Variants in PDK1 observed in about 807,000 individuals in gnomAD.
PDK1 encodes the protein [Pyruvate dehydrogenase (acetyl-transferring)] kinase isozyme 1, mitochondrial.
PDK1 carries 39 observed loss-of-function variants against 54.2 expected under a neutral mutation model. That is an observed-to-expected ratio of 0.72 (90% CI 0.56 to 0.94). PDK1 has a LOEUF of 0.94. PDK1 is among the 40% of genes least tolerant of loss of function. The probability of loss-of-function intolerance (pLI) is 0.00; values close to 1 mark genes in which losing one functional copy is unlikely to be tolerated. For missense variants in PDK1, 552 were observed against 566.0 expected (o/e 0.98, Z 0.25); for synonymous variants, 221 against 207.1 (o/e 1.07, Z -0.58).
At chr2:172,586,205 T>G in intron 8 of PDK1, 73 bp from the exon 9 acceptor site, 2 of 835,402 alleles carry the variant, frequency 2.4e-6, no homozygotes, top group South Asian at 2.8e-5. Flanking sequence ...TAAACTGTGA[T>G]GCTATGAGTA....
the PDK1 span, chr2:172,677,577 A>G: frequency 6.6e-6 from 1 of 152,240 alleles, no homozygotes; most frequent in African/African-American, 2.4e-5. Context: ...GGCTCCAGGA[A>G]CAAGGCTGTT....
the PDK1 span, among the ~76,000 whole-genome samples, chr2:172,698,676 A>G: frequency 6.6e-6 from 1 of 152,242 alleles, no homozygotes; most frequent in Non-Finnish European, 1.5e-5. Flanking sequence ...CACATGGGTA[A>G]CAAATTCCCA....
At chr2:172,646,387 T>C in the PDK1 span, among the ~76,000 whole-genome samples, 1 of 152,338 alleles carries the variant, frequency 6.6e-6, no homozygotes, top group African/African-American at 2.4e-5. Flanking sequence ...CCCCTTTTTT[T>C]CTTTCTAATT....
chr2:172,652,693 A>G, the PDK1 span, among the ~76,000 whole-genome samples: 1 of 152,340 alleles, frequency 6.6e-6, no homozygotes, highest in East Asian at 1.9e-4. Flanking sequence ...ACAGAGAGCC[A>G]AATCATGAGT....
intron 6 of PDK1, among the ~76,000 whole-genome samples, chr2:172,568,078 A>T (rs1689049306): frequency 6.6e-6 from 1 of 152,178 alleles, no homozygotes; most frequent in African/African-American, 2.4e-5. Flanking sequence ...TCACATCTAT[A>T]ATCCCAGCAC....
chr2:172,633,688 CTTT>C, the PDK1 span, among the ~76,000 whole-genome samples: 2 of 150,464 alleles, frequency 1.3e-5, no homozygotes, highest in Non-Finnish European at 3.0e-5. Context: ...CAATTCTCTT[CTTT>C]TTAATAAAAA....
the PDK1 span, among the ~76,000 whole-genome samples, chr2:172,672,443 T>C: frequency 7.2e-5 from 11 of 152,164 alleles, no homozygotes; most frequent in African/African-American, 1.4e-4. Context: ...CCCATAATTA[T>C]TGAGGATTTG....
At chr2:172,645,350 A>G in the PDK1 span, among the ~76,000 whole-genome samples, 4 of 127,452 alleles carry the variant, frequency 3.1e-5, no homozygotes, top group African/African-American at 1.2e-4. Context: ...GGCTCACTGC[A>G]ACCTCTGCCT....
chr2:172,600,462 A>G lies in PDK1; in HGVS notation c.*4493A>G, dbSNP rs1477235980. On this transcript the variant is annotated 3_prime_UTR_variant, in exon 11 of 11. Transcript: ENST00000282077. ...TCATCTCTTTACTCTCAGTATCTCC[A>G]TAATGGCCAGTATGTAGTAGGCACC... The G allele has an allele frequency of 6.6e-6, 1 of 152,348 alleles. No homozygotes were observed. Among genetic ancestry groups the G allele is most frequent in the South Asian group, 2.1e-4 (1 of 4,828 alleles). 9.4% of individuals were successfully genotyped at this position (152,348 alleles called of 1,614,324 possible).
the PDK1 span, among the ~76,000 whole-genome samples, chr2:172,661,774 G>A: frequency 6.6e-6 from 1 of 152,112 alleles, no homozygotes; most frequent in Non-Finnish European, 1.5e-5. Context: ...ACATAAAGAT[G>A]GGAACAATAA....
the PDK1 span, among the ~76,000 whole-genome samples, chr2:172,662,410 C>T: frequency 6.6e-6 from 1 of 151,344 alleles, no homozygotes; most frequent in Non-Finnish European, 1.5e-5. Context: ...ATTTCTCCAC[C>T]AAGAGATAAC....
chr2:172,720,717 G>GGTTTT, the PDK1 span, among the ~76,000 whole-genome samples: 91 of 152,222 alleles, frequency 6.0e-4, no homozygotes, highest in African/African-American at 1.6e-3. Flanking sequence ...ATAATGACAA[G>GGTTTT]GTTTTGTTTT....
At chr2:172,624,984 A>T in the PDK1 span, among the ~76,000 whole-genome samples, 5 of 151,334 alleles carry the variant, frequency 3.3e-5, no homozygotes, top group African/African-American at 1.2e-4. Flanking sequence ...GTGAAACTCC[A>T]TCTCAAAAAA....
chr2:172,619,683 A>G, the PDK1 span, among the ~76,000 whole-genome samples: 1 of 152,148 alleles, frequency 6.6e-6, no homozygotes, highest in Non-Finnish European at 1.5e-5. Context: ...ACACCCAAGG[A>G]TATTGACAGG....
the PDK1 span, chr2:172,723,747 A>G: frequency 3.3e-5 from 5 of 152,224 alleles, no homozygotes; most frequent in Admixed American, 3.3e-4. Context: ...TGAAAATCAT[A>G]GAAGAGTTTC....
At chr2:172,622,087 TA>T in the PDK1 span, among the ~76,000 whole-genome samples, 2 of 139,458 alleles carry the variant, frequency 1.4e-5, no homozygotes, top group African/African-American at 5.1e-5. Context: ...TTATGTGAGA[TA>T]TGTTTATATC....
the PDK1 span, among the ~76,000 whole-genome samples, chr2:172,637,465 A>G: frequency 6.6e-6 from 1 of 152,234 alleles, no homozygotes; most frequent in Non-Finnish European, 1.5e-5. Context: ...TATCAAGGAT[A>G]AATAAATGTT....
the PDK1 span, among the ~76,000 whole-genome samples, chr2:172,660,070 A>G: frequency 7.9e-5 from 12 of 152,162 alleles, no homozygotes; most frequent in African/African-American, 2.9e-4. Context: ...AGGCAACCAG[A>G]GAAAATAGAG....
the PDK1 span, among the ~76,000 whole-genome samples, chr2:172,667,861 AC>A: frequency 6.6e-6 from 1 of 152,222 alleles, no homozygotes; most frequent in Non-Finnish European, 1.5e-5. Context: ...ACTAAATGCC[AC>A]CAATGACAGC....
Sources: gnomAD v4.1 joint callset for allele counts (sites outside exome capture counted in the v4.1 genomes callset) on GRCh38, gnomAD v4.1.1 for gene constraint, MANE v1.5 for transcripts, NCBI Gene and HGNC (gene_info 2026-07-23, HGNC 2026-07-21) for gene names.